The following FBLN1 variants were observed in gnomAD, a reference collection of about 807,000 sequenced individuals.
The protein encoded by FBLN1 is fibulin-1.
Under a neutral mutation model 89.7 loss-of-function variants are expected in FBLN1, and 34 were observed. That is an observed-to-expected ratio of 0.38 (90% CI 0.29 to 0.50). The LOEUF (loss-of-function observed/expected upper bound fraction) is 0.50. Among genes scored for constraint, FBLN1 ranks in the 20% least tolerant of loss-of-function variants. The pLI, the probability that FBLN1 is intolerant of heterozygous loss-of-function variation, is 0.92. For synonymous variants in FBLN1, 393 were observed against 391.3 expected (o/e 1.00, Z -0.05); for missense variants, 777 against 988.1 (o/e 0.79, Z 2.86).
At chr22:45,517,629 C>G (rs1229677381) in intron 1 of FBLN1, 12 of 471,134 alleles carry the variant, frequency 2.5e-5, no homozygotes, top group Non-Finnish European at 5.3e-5. Context: ...CCTGTGCTCT[C>G]TGCTTTGCCA....
chr22:45,586,092 G>A (rs905359728), intron 16 of FBLN1, among the ~76,000 whole-genome samples: 1 of 152,170 alleles, frequency 6.6e-6, no homozygotes, highest in African/African-American at 2.4e-5. Context: ...GGGGCCCCAG[G>A]GACCAGTCCC....
chr22:45,587,565 A>T (rs562517132), intron 16 of FBLN1, among the ~76,000 whole-genome samples: 2 of 152,288 alleles, frequency 1.3e-5, no homozygotes, highest in South Asian at 4.1e-4. Flanking sequence ...TGTATCTCTT[A>T]GAGTGGGGCT....
intron 1 of FBLN1, among the ~76,000 whole-genome samples, chr22:45,511,157 A>AT (rs67205437): frequency 0.29 from 41,737 of 143,742 alleles, 6,623 homozygotes; most frequent in East Asian, 0.53. Flanking sequence ...ATCTTCCCCC[A>AT]TTTTTTTTTT....
intron 14 of FBLN1, among the ~76,000 whole-genome samples, chr22:45,560,799 G>A (rs938297679): frequency 2.0e-5 from 3 of 152,090 alleles, no homozygotes; most frequent in Non-Finnish European, 4.4e-5. Flanking sequence ...TCATCTCTAG[G>A]GGCCCGCCAG....
intron 1 of FBLN1, among the ~76,000 whole-genome samples, chr22:45,503,921 G>C (rs941439036): frequency 6.6e-6 from 1 of 152,068 alleles, no homozygotes; most frequent in African/African-American, 2.4e-5. Context: ...TCCCTGGGGG[G>C]ACTGCCACGA....
At chr22:45,586,314 G>A (rs538962165) in intron 16 of FBLN1, among the ~76,000 whole-genome samples, 4 of 152,342 alleles carry the variant, frequency 2.6e-5, no homozygotes, top group African/African-American at 9.6e-5. Context: ...CCCTGCCGTG[G>A]CCGCCTCTGC....
chr22:45,592,071 C>T (rs1601544858), intron 16 of FBLN1, among the ~76,000 whole-genome samples: 1 of 152,288 alleles, frequency 6.6e-6, no homozygotes, highest in South Asian at 2.1e-4. Flanking sequence ...GCTCTGAGGT[C>T]AGTCCCCGCT....
At chr22:45,517,898 T>C (rs960338095) in intron 1 of FBLN1, among the ~76,000 whole-genome samples, 1 of 152,116 alleles carries the variant, frequency 6.6e-6, no homozygotes, top group Non-Finnish European at 1.5e-5. Flanking sequence ...TGGGAGGCCA[T>C]GGCTGGCCAA....
Position 45,531,247 on chromosome 22 carries a change from G to A in FBLN1, c.485-18G>A. ...GGGTGTTTGGATAAATGTCTGACTT[G>A]GTCTTTTTCCCCCTTAGATAAGATC... On this transcript the variant is annotated intron_variant, in intron 4 of 16. Coordinates refer to ENST00000327858, the MANE Select transcript of FBLN1 (RefSeq NM_006486.3). This position sits in a 1 kb window ranked among gnomAD's most constrained non-coding sequence, Gnocchi z 4.9. 1 of 1,611,288 alleles carries A rather than the reference G, an allele frequency of 6.2e-7. No individual in the cohort carries two copies. Among genetic ancestry groups the A allele is most frequent in the East Asian group, 2.2e-5 (1 of 44,868 alleles).
rs1360738246 is a variant in FBLN1 at position 45,588,407 on chromosome 22, C to A, written c.1972+11299C>A. ...GGAGTTGTGGCATTGGGAGTTTCTT[C>A]GCTTGACTTTCAATTCCACCAAACA... On this transcript the variant is annotated intron_variant, in intron 16 of 16. Coordinates refer to ENST00000327858, the MANE Select transcript of FBLN1 (RefSeq NM_006486.3). The surrounding 1 kb of genome is among the most constrained non-coding windows in gnomAD (Gnocchi z 5.1). 6.6e-6 allele frequency among the ~76,000 whole-genome samples: 1 copy of A among 152,154 alleles called. No homozygotes were observed. The highest frequency in any genetic ancestry group is 2.1e-4 in the South Asian group (1 of 4,820).
intron 14 of FBLN1, among the ~76,000 whole-genome samples, chr22:45,566,197 G>A (rs2088900428): frequency 6.6e-6 from 1 of 152,234 alleles, no homozygotes; most frequent in Non-Finnish European, 1.5e-5. Flanking sequence ...CATGTGCATA[G>A]CAATGTGAAG....
At position 45,563,569 on chromosome 22, in the gene FBLN1, A is replaced by G. The variant is rs2088875441; in HGVS notation, c.1698-10942A>G. On this transcript the variant is annotated intron_variant, in intron 14 of 16. Coordinates refer to ENST00000327858, the MANE Select transcript of FBLN1 (RefSeq NM_006486.3). The surrounding 1 kb of genome is among the most constrained non-coding windows in gnomAD (Gnocchi z 5.7). ...GGCCAGGCCGGGTACATCATTTCAC[A>G]TGTGTTAACTTGTCTTCATTTGTGT... Among the ~76,000 whole-genome samples the G allele has an allele frequency of 6.6e-6, 1 of 152,134 alleles. No homozygotes were observed. Among genetic ancestry groups the G allele is most frequent in the Admixed American group, 6.5e-5 (1 of 15,276 alleles).
In FBLN1 at chr22:45,597,727, A is replaced by G. The variant is rs2089198769; in HGVS notation, c.1973-2580A>G. Among the ~76,000 whole-genome samples, 1 of 152,128 alleles carries G rather than the reference A, an allele frequency of 6.6e-6. No homozygotes were observed. Among genetic ancestry groups the G allele is most frequent in the African/African-American group, 2.4e-5 (1 of 41,418 alleles). On this transcript the variant is annotated intron_variant, in intron 16 of 16. Coordinates refer to ENST00000327858, the MANE Select transcript of FBLN1 (RefSeq NM_006486.3). This position sits in a 1 kb window ranked among gnomAD's most constrained non-coding sequence, Gnocchi z 4.2. Reference sequence around the variant, plus strand: ...GGGCTTTCAAGCAGGACAAAGCTTCAATGTCATCACCAGGTAGCAGGCAGA... The same window carrying G: ...GGGCTTTCAAGCAGGACAAAGCTTCGATGTCATCACCAGGTAGCAGGCAGA...
At chr22:45,559,350 T>C (rs1282120772) in intron 14 of FBLN1, among the ~76,000 whole-genome samples, 5 of 152,186 alleles carry the variant, frequency 3.3e-5, no homozygotes, top group African/African-American at 1.2e-4. Context: ...CGGGATGTGG[T>C]GGGAATCACC....
At chr22:45,569,855 C>T (rs1342408538) in intron 14 of FBLN1, among the ~76,000 whole-genome samples, 1 of 152,080 alleles carries the variant, frequency 6.6e-6, no homozygotes, top group Non-Finnish European at 1.5e-5. Flanking sequence ...TTGGTTAGGC[C>T]ACCCAGTCTG....
At position 45,545,925 on chromosome 22, in the gene FBLN1, ATTAC is replaced by A. The variant is rs2088620392; in HGVS notation, c.1322-1157_1322-1154del. On this transcript the variant is annotated intron_variant, in intron 11 of 16. Transcript: ENST00000327858. The surrounding 1 kb of genome is among the most constrained non-coding windows in gnomAD (Gnocchi z 5.9). Reference sequence around the variant, plus strand: ...CACTTTGGGAGGCTGAGGCAGGTGGATTACTTGAGGTCAGGAGTTCGAGACCAGT... The same window carrying A: ...CACTTTGGGAGGCTGAGGCAGGTGGATTGAGGTCAGGAGTTCGAGACCAGT... Among the ~76,000 whole-genome samples the A allele has an allele frequency of 6.6e-6, 1 of 152,124 alleles. No homozygotes were observed. Among genetic ancestry groups the A allele is most frequent in the Admixed American group, 6.6e-5 (1 of 15,260 alleles).
At position 45,533,098 on chromosome 22, in the gene FBLN1, G is replaced by A. The variant is rs2088431414; in HGVS notation, c.580G>A (p.Gly194Ser). Reference sequence around the variant, plus strand: ...CTGCAAGCAGCAGTGCCGAGACACGGGTGACGAGGTGGTCTGCTCCTGCTT... The same window carrying A: ...CTGCAAGCAGCAGTGCCGAGACACGAGTGACGAGGTGGTCTGCTCCTGCTT... ...GPCKQQCRDT[G>S]DEVVCSCFVG... The change falls in exon 6 of 17, where the codon GGT (glycine) becomes AGT (serine). Residue 194 changes from glycine to serine, a missense_variant. Transcript: ENST00000327858. 1.2e-6 allele frequency: 2 copies of A among 1,614,092 alleles called. No homozygotes were observed. The highest frequency in any genetic ancestry group is 2.2e-5 in the South Asian group (2 of 91,092).
At chr22:45,591,654 G>C (rs2089137428) in intron 16 of FBLN1, among the ~76,000 whole-genome samples, 1 of 152,146 alleles carries the variant, frequency 6.6e-6, no homozygotes, top group Admixed American at 6.5e-5. Context: ...AAGCAGAGAA[G>C]ACCAGGTTTC....
intron 1 of FBLN1, among the ~76,000 whole-genome samples, chr22:45,503,907 C>T (rs1271446953): frequency 6.6e-6 from 1 of 152,190 alleles, no homozygotes; most frequent in Non-Finnish European, 1.5e-5. Flanking sequence ...CCCTCAAGGC[C>T]TGGTCCCTGG....
Sources: allele counts gnomAD v4.1 joint callset (sites outside exome capture counted in the v4.1 genomes callset), GRCh38; gene constraint gnomAD v4.1.1; non-coding constraint Gnocchi (gnomAD v3.1); transcripts MANE v1.5; gene names NCBI Gene and HGNC (gene_info 2026-07-23, HGNC 2026-07-21).